The following FAM199X variants were observed in gnomAD, a reference collection of about 807,000 sequenced individuals.
FAM199X encodes the protein family with sequence similarity 199, X-linked.
Under a neutral mutation model 22.9 loss-of-function variants are expected in FAM199X, and 4 were observed. The observed-to-expected ratio is 0.17, with a 90% confidence interval of 0.09 to 0.40. FAM199X has a LOEUF of 0.40. Among genes scored for constraint, FAM199X ranks in the 10% least tolerant of loss-of-function variants. The pLI is 1.00. For missense variants in FAM199X, 183 were observed against 306.8 expected, an observed-to-expected ratio of 0.60 and a Z score of 3.01; for synonymous variants, 101 against 112.3, an observed-to-expected ratio of 0.90 and a Z score of 0.64.
intron 2 of FAM199X, among the ~76,000 whole-genome samples, chrX:104,182,359 G>A (rs1457212494): frequency 1.8e-5 from 2 of 110,322 alleles, no homozygotes; most frequent in African/African-American, 3.3e-5. Flanking sequence ...TTTCATCCAC[G>A]CCTAGATTAC....
At chrX:104,175,915 C>T in intron 2 of FAM199X, 73 bp downstream of exon 2, 1 of 722,552 alleles carries the variant, frequency 1.4e-6, no homozygotes, top group Non-Finnish European at 2.0e-6. Flanking sequence ...TTGATATTTT[C>T]ATCTCTACTT....
At position 104,189,961 on chromosome X, in the gene FAM199X, G is replaced by A; in HGVS notation, c.*183G>A. 2 of 433,925 alleles carry A rather than the reference G, an allele frequency of 4.6e-6. No homozygotes were observed. Among genetic ancestry groups the A allele is most frequent in the Non-Finnish European group, 3.9e-6 (1 of 257,781 alleles). 35.8% of individuals were successfully genotyped at this position (433,925 alleles called of 1,213,427 possible). ...TCAGCATCACTTGAGAAGTTGTTAG[G>A]AATGCATACTAGTGGGCCCCGCCCC... On this transcript the variant is annotated 3_prime_UTR_variant, in exon 6 of 6. Transcript: ENST00000493442.
intron 1 of FAM199X, among the ~76,000 whole-genome samples, chrX:104,169,747 T>G: frequency 8.9e-6 from 1 of 111,915 alleles, no homozygotes; most frequent in Middle Eastern, 4.6e-3. Context: ...TTTATATTTT[T>G]AGTAGAGACA....
At chrX:104,184,944 CTT>C (rs1413895484) in intron 2 of FAM199X, among the ~76,000 whole-genome samples, 1 of 99,787 alleles carries the variant, frequency 1.0e-5, no homozygotes, top group Admixed American at 1.1e-4. Context: ...TTTTTCCTTT[CTT>C]TTTTTTTTTA....
chrX:104,182,389 C>T (rs1267031598), intron 2 of FAM199X, among the ~76,000 whole-genome samples: 1 of 111,100 alleles, frequency 9.0e-6, no homozygotes, highest in African/African-American at 3.3e-5. Context: ...CTATCTAATT[C>T]CAATCTTTCC....
At chrX:104,164,924 G>T (rs1398235885), upstream of FAM199X, among the ~76,000 whole-genome samples, 18 of 111,959 alleles carry the variant, frequency 1.6e-4, no homozygotes, top group African/African-American at 5.5e-4. Flanking sequence ...TATTTCGTTA[G>T]CTTCTTATTA....
intron 2 of FAM199X, among the ~76,000 whole-genome samples, chrX:104,182,313 C>G (rs902932900): frequency 9.0e-6 from 1 of 110,769 alleles, no homozygotes; most frequent in Admixed American, 9.6e-5. Context: ...TATATTTTTC[C>G]TATCTATTCC....
intron 4 of FAM199X, among the ~76,000 whole-genome samples, chrX:104,187,402 A>G (rs1556379428): frequency 9.0e-6 from 1 of 111,500 alleles, no homozygotes; most frequent in African/African-American, 3.3e-5. Flanking sequence ...TCTAAATACA[A>G]TTTTTGCTGT....
Position 104,189,794 on chromosome X carries a change from C to G in FAM199X, c.*16C>G. The G allele has an allele frequency of 8.3e-7, 1 of 1,204,589 alleles. No individual in the cohort carries two copies. Among genetic ancestry groups the G allele is most frequent in the Non-Finnish European group, 1.1e-6 (1 of 891,584 alleles). ...TTTGATGTAATAAGGGTGAATTTAT[C>G]AACGTTCTTTGTGAGCATTAAAATA... is the stretch of plus-strand genomic sequence containing the variant. On this transcript the variant is annotated 3_prime_UTR_variant, in exon 6 of 6. Transcript: ENST00000493442.
intron 1 of FAM199X, among the ~76,000 whole-genome samples, chrX:104,167,515 A>G (rs1358739642): frequency 1.0e-5 from 1 of 98,956 alleles, no homozygotes; most frequent in Non-Finnish European, 2.1e-5. Context: ...CCCCTACCCC[A>G]TTTTTTTTTT....
intron 2 of FAM199X, 54 bp downstream of exon 2, chrX:104,175,896 ACTTTT>A (rs1556376345): frequency 2.2e-6 from 2 of 898,691 alleles, no homozygotes; most frequent in East Asian, 6.3e-5. Flanking sequence ...AGAAGTATAA[ACTTTT>A]CTTTTGATAT....
chrX:104,187,317 C>T (rs1304265621), intron 4 of FAM199X, among the ~76,000 whole-genome samples: 2 of 110,989 alleles, frequency 1.8e-5, no homozygotes, highest in Non-Finnish European at 3.8e-5. Context: ...CTCCTGACCT[C>T]GTGACCCACC....
rs1556379568 is a variant in FAM199X, at chrX:104,188,028, G to T, written c.730-12G>T. On this transcript the variant is annotated splice_polypyrimidine_tract_variant and intron_variant, in intron 4 of 5. Transcript: ENST00000493442. ...GTGCAACACTAACCAGTTTGTGTTT[G>T]TGCATCCCAAGGTCAGAAACTATAT... 1 of 1,206,987 alleles carries T rather than the reference G, an allele frequency of 8.3e-7. No homozygotes were observed. Among genetic ancestry groups the T allele is most frequent in the Admixed American group, 2.2e-5 (1 of 45,888 alleles).
chrX:104,189,922 C>A lies in FAM199X; in HGVS notation c.*144C>A. ...GCCAGTGGTTCTTGGCAGGTGATCC[C>A]AAGACCTGCAGCTTCAGCATCACTT... On this transcript the variant is annotated 3_prime_UTR_variant, in exon 6 of 6. Transcript: ENST00000493442. 1.9e-6 allele frequency: 1 copy of A among 525,932 alleles called. No individual in the cohort carries two copies. Among genetic ancestry groups the A allele is most frequent in the Non-Finnish European group, 3.0e-6 (1 of 329,560 alleles). The allele number at this position is 525,932 out of a possible 1,213,427, so 43.3% of individuals were successfully genotyped here.
At chrX:104,188,779 A>G (rs1921864739) in intron 5 of FAM199X, among the ~76,000 whole-genome samples, 1 of 105,935 alleles carries the variant, frequency 9.4e-6, no homozygotes, top group Non-Finnish European at 1.9e-5. Flanking sequence ...TACTCTTTTC[A>G]CAGTTGAGAA....
chrX:104,170,161 C>T (rs782051662), intron 1 of FAM199X, among the ~76,000 whole-genome samples: 2 of 112,374 alleles, frequency 1.8e-5, no homozygotes, highest in South Asian at 7.3e-4. Context: ...CTTAGCACTT[C>T]CAAACTATTG....
At chrX:104,179,976 C>CTTT (rs1162038054) in intron 2 of FAM199X, among the ~76,000 whole-genome samples, 1,451 of 86,081 alleles carry the variant, frequency 0.017, 47 homozygotes, top group African/African-American at 0.061. Context: ...TGAATTTTTC[C>CTTT]TTTTTTTTTT....
chrX:104,167,185 CTT>C, intron 1 of FAM199X, among the ~76,000 whole-genome samples: 1 of 100,084 alleles, frequency 1.0e-5, no homozygotes, highest in South Asian at 5.6e-4. Context: ...GTTTTACTCT[CTT>C]TTCCTCATTC....
At chrX:104,175,321 G>A (rs1921460844) in intron 1 of FAM199X, among the ~76,000 whole-genome samples, 1 of 111,860 alleles carries the variant, frequency 8.9e-6, no homozygotes, top group African/African-American at 3.2e-5. Context: ...TACAAAGGTA[G>A]AGAGAAAAGT....
Sources: allele counts gnomAD v4.1 joint callset (sites outside exome capture counted in the v4.1 genomes callset), GRCh38; gene constraint gnomAD v4.1.1; transcripts MANE v1.5; gene names NCBI Gene and HGNC (gene_info 2026-07-23, HGNC 2026-07-21).